The following PLXNA2 variants were observed in gnomAD, a reference collection of about 807,000 sequenced individuals.
The protein encoded by PLXNA2 is plexin A2, also known as plexin-A2.
In PLXNA2, 91 loss-of-function variants were observed where a neutral mutation model predicts 193.5. The observed-to-expected ratio is 0.47, with a 90% CI of 0.40 to 0.56. The LOEUF is 0.56. PLXNA2 is among the 20% of genes least tolerant of loss of function. The probability of loss-of-function intolerance (pLI) is 0.00; values close to 1 mark genes in which losing one functional copy is unlikely to be tolerated. For synonymous variants in PLXNA2, 997 were observed against 1,027.3 expected (o/e 0.97, Z 0.56); for missense variants, 1,995 against 2,503.2 (o/e 0.80, Z 4.33).
intron 4 of PLXNA2, among the ~76,000 whole-genome samples, chr1:208,111,005 T>C (rs754795385): frequency 6.6e-6 from 1 of 152,164 alleles, no homozygotes; most frequent in African/African-American, 2.4e-5. Context: ...AGAGAGGTGA[T>C]ACCAGAAGGT....
intron 4 of PLXNA2, among the ~76,000 whole-genome samples, chr1:208,113,361 G>A (rs564549755): frequency 6.6e-6 from 1 of 152,198 alleles, no homozygotes; most frequent in Admixed American, 6.5e-5. Flanking sequence ...GAGGCCCCAG[G>A]ACACACAGAG....
chr1:208,027,426 C>T (rs150730077), intron 31 of PLXNA2, 88 bp from the exon 32 acceptor site: 13 of 1,022,098 alleles, frequency 1.3e-5, no homozygotes, highest in African/African-American at 3.1e-5. Flanking sequence ...TGCCCTCTGT[C>T]TACCTTTCCA....
At chr1:208,160,785 A>G (rs1669085031) in intron 3 of PLXNA2, among the ~76,000 whole-genome samples, 1 of 152,266 alleles carries the variant, frequency 6.6e-6, no homozygotes, top group Admixed American at 6.5e-5. Context: ...CCTATGTCAC[A>G]TAATTCATAG....
intron 4 of PLXNA2, among the ~76,000 whole-genome samples, chr1:208,115,611 T>C (rs906422916): frequency 2.0e-5 from 3 of 152,184 alleles, no homozygotes; most frequent in Non-Finnish European, 2.9e-5. Context: ...ACCTTGCTGA[T>C]AGCTGATAGT....
chr1:208,183,560 G>T (rs984056840), intron 3 of PLXNA2, among the ~76,000 whole-genome samples: 12 of 149,972 alleles, frequency 8.0e-5, no homozygotes, highest in Non-Finnish European at 1.3e-4. Flanking sequence ...TCCCCACTGG[G>T]GTCCCTGCTG....
At position 208,060,744 on chromosome 1, in the gene PLXNA2, C is replaced by T. The variant is rs1665591969; in HGVS notation, c.2680G>A (p.Val894Met). ...GLDFSEIAHH[V>M]QVAGVPCTPL... Reference sequence around the variant, plus strand: ...GTGCAGGGCACCCCAGCCACCTGCACATGGTGGGCGATCTCGGAGAAGTCC... The same window carrying T: ...GTGCAGGGCACCCCAGCCACCTGCATATGGTGGGCGATCTCGGAGAAGTCC... The change falls in exon 13 of 32, where the codon GTG (valine) becomes ATG (methionine). Residue 894 changes from valine to methionine, a missense_variant. By Grantham distance (21) the Val-to-Met change is conservative (BLOSUM62 1). Coordinates refer to ENST00000367033, the MANE Select transcript of PLXNA2 (RefSeq NM_025179.4). 5 of 1,614,030 alleles carry T rather than the reference C, an allele frequency of 3.1e-6. 1 individual carries two copies. The highest frequency in any genetic ancestry group is 2.5e-6 in the Non-Finnish European group (3 of 1,179,932).
intron 3 of PLXNA2, among the ~76,000 whole-genome samples, chr1:208,176,939 C>T (rs1272047047): frequency 6.6e-6 from 1 of 152,194 alleles, no homozygotes; most frequent in Non-Finnish European, 1.5e-5. Flanking sequence ...CAGTTCACCA[C>T]GGTGCCGGTG....
chr1:208,119,118 T>C (rs1667729558), intron 4 of PLXNA2, among the ~76,000 whole-genome samples: 1 of 152,202 alleles, frequency 6.6e-6, no homozygotes. Context: ...GCATCAATAC[T>C]GCTATTTAGT....
chr1:208,041,074 G>A (rs947357992), intron 22 of PLXNA2, among the ~76,000 whole-genome samples: 1 of 152,204 alleles, frequency 6.6e-6, no homozygotes. Context: ...GCTTTCTCCC[G>A]TGGCTCCTCC....
At position 208,022,899 on chromosome 1, in the gene PLXNA2, G is replaced by A. The variant is rs1664226842; in HGVS notation, c.*4344C>T. The A allele has an allele frequency of 6.6e-6, 1 of 152,182 alleles. No homozygotes were observed. The highest frequency in any genetic ancestry group is 2.4e-5 in the African/African-American group (1 of 41,440). The allele number at this position is 152,182 out of a possible 1,614,324, so 9.4% of individuals were successfully genotyped here. Reference sequence around the variant, plus strand: ...TGCTTATTGGGTGGAGGCCCTGTATGCCAAGCAGTGGCTGTGATCGTGTCT... The same window carrying A: ...TGCTTATTGGGTGGAGGCCCTGTATACCAAGCAGTGGCTGTGATCGTGTCT... On this transcript the variant is annotated 3_prime_UTR_variant, in exon 32 of 32. Coordinates refer to ENST00000367033, the MANE Select transcript of PLXNA2 (RefSeq NM_025179.4).
chr1:208,157,985 G>A (rs1668990525), intron 3 of PLXNA2, among the ~76,000 whole-genome samples: 2 of 152,186 alleles, frequency 1.3e-5, no homozygotes, highest in African/African-American at 4.8e-5. Flanking sequence ...CTTGTCCCCA[G>A]CCAGGCCAAA....
chr1:208,186,708 ATTTTATTTT>A (rs1156318750), intron 3 of PLXNA2, among the ~76,000 whole-genome samples: 18 of 111,742 alleles, frequency 1.6e-4, no homozygotes, highest in African/African-American at 4.2e-4. Context: ...TTGCAATGTT[ATTTTATTTT>A]TTTTTTTTTT....
At chr1:208,189,068 C>T (rs896548862) in intron 3 of PLXNA2, among the ~76,000 whole-genome samples, 3 of 152,146 alleles carry the variant, frequency 2.0e-5, no homozygotes, top group East Asian at 1.9e-4. Context: ...CTACGAGAAG[C>T]GCAAAGAAAA....
intron 9 of PLXNA2, 76 bp from the exon 10 acceptor site, chr1:208,084,656 C>G: frequency 1.4e-6 from 2 of 1,425,554 alleles, no homozygotes; most frequent in South Asian, 2.6e-5. Flanking sequence ...GCAGGCCCCT[C>G]TTGTATCAGG....
At chr1:208,168,642 T>G (rs751102410) in intron 3 of PLXNA2, among the ~76,000 whole-genome samples, 6 of 151,158 alleles carry the variant, frequency 4.0e-5, no homozygotes, top group Admixed American at 6.6e-5. Flanking sequence ...ATGTTCTATC[T>G]GCTGCTTTCA....
intron 3 of PLXNA2, among the ~76,000 whole-genome samples, chr1:208,196,773 A>G (rs1670375148): frequency 6.6e-6 from 1 of 152,220 alleles, no homozygotes; most frequent in Non-Finnish European, 1.5e-5. Context: ...TTTGCTTTGG[A>G]GAAATTAATT....
At position 208,126,807 on chromosome 1, in the gene PLXNA2, GC is replaced by G. The variant is rs1487215076; in HGVS notation, c.1506+15521del. 1.2e-4 allele frequency among the ~76,000 whole-genome samples: 18 copies of G among 152,164 alleles called. 1 individual carries two copies. Among genetic ancestry groups the G allele is most frequent in the African/African-American group, 4.1e-4 (17 of 41,512 alleles). On this transcript the variant is annotated intron_variant, in intron 4 of 31. Coordinates refer to ENST00000367033, the MANE Select transcript of PLXNA2 (RefSeq NM_025179.4). ...CCTGCCCTGCCTTCCCAGAGCACAG[GC>G]CCTGCTCTCACTCTCTCTTCTGCTA...
At chr1:208,158,676 C>T (rs1669012312) in intron 3 of PLXNA2, among the ~76,000 whole-genome samples, 1 of 152,220 alleles carries the variant, frequency 6.6e-6, no homozygotes, top group African/African-American at 2.4e-5. Context: ...CAGTGCTGGG[C>T]AGGAAACCTC....
At chr1:208,043,343 CG>C in intron 20 of PLXNA2, 140 bp from the exon 21 acceptor site, 1 of 697,790 alleles carries the variant, frequency 1.4e-6, no homozygotes, top group Admixed American at 2.9e-5. Context: ...CTCCAGAGGG[CG>C]GGGCTACTCC....
Sources: gnomAD v4.1 joint callset for allele counts (sites outside exome capture counted in the v4.1 genomes callset) on GRCh38, gnomAD v4.1.1 for gene constraint, MANE v1.5 for transcripts, NCBI Gene and HGNC (gene_info 2026-07-23, HGNC 2026-07-21) for gene names.